Variants in EFCAB6 observed in about 807,000 individuals in gnomAD.
EFCAB6 encodes EF-hand calcium binding domain 6.
EFCAB6 carries 156 observed loss-of-function variants against 169.8 expected under a neutral mutation model. The ratio of observed to expected loss-of-function variants is 0.92; its 90% CI spans 0.81 to 1.05. The LOEUF is 1.05. EFCAB6 is among the 50% of genes least tolerant of loss of function. EFCAB6 has a pLI of 0.00. For missense variants in EFCAB6, 1,800 were observed against 1,829.1 expected (o/e 0.98, Z 0.29); for synonymous variants, 698 against 676.4 (o/e 1.03, Z -0.50).
At chr22:43,567,724 C>G (rs1372390406) in intron 26 of EFCAB6, among the ~76,000 whole-genome samples, 1 of 152,120 alleles carries the variant, frequency 6.6e-6, no homozygotes, top group Non-Finnish European at 1.5e-5. Context: ...CCCAGAGTAC[C>G]AGTGGCCTTC....
chr22:43,618,170 GAAAGAAA>G (rs1569256923), intron 20 of EFCAB6, among the ~76,000 whole-genome samples: 191 of 91,608 alleles, frequency 2.1e-3, no homozygotes, highest in Middle Eastern at 5.9e-3. Context: ...AGGAAGGAAA[GAAAGAAA>G]GAAAGAAAGA....
At chr22:43,782,569 C>T (rs2061863937) in intron 2 of EFCAB6, among the ~76,000 whole-genome samples, 1 of 152,142 alleles carries the variant, frequency 6.6e-6, no homozygotes, top group African/African-American at 2.4e-5. Flanking sequence ...GACTTTTGGA[C>T]AGAAAAATCC....
At chr22:43,735,082 T>C (rs953197088) in intron 7 of EFCAB6, among the ~76,000 whole-genome samples, 2 of 152,114 alleles carry the variant, frequency 1.3e-5, no homozygotes, top group African/African-American at 4.8e-5. Context: ...CTGGGTACTG[T>C]AGAAATTAAG....
intron 2 of EFCAB6, among the ~76,000 whole-genome samples, chr22:43,784,644 CAT>C (rs1346854618): frequency 1.1e-4 from 9 of 81,486 alleles, no homozygotes; most frequent in African/African-American, 3.5e-4. Flanking sequence ...TATATGTACA[CAT>C]ATATATGTGT....
chr22:43,552,527 T>G (rs2048439344), intron 27 of EFCAB6: 1 of 152,248 alleles, frequency 6.6e-6, no homozygotes, highest in African/African-American at 2.4e-5. Flanking sequence ...GGTATCTCAC[T>G]GTGGTTTTAA....
chr22:43,620,104 A>G (rs1019759913), intron 20 of EFCAB6, among the ~76,000 whole-genome samples: 8 of 152,094 alleles, frequency 5.3e-5, no homozygotes, highest in African/African-American at 1.9e-4. Flanking sequence ...GATTGCTTGA[A>G]CTCAGGAGTT....
At chr22:43,779,924 G>A (rs969539522) in intron 3 of EFCAB6, among the ~76,000 whole-genome samples, 1 of 152,060 alleles carries the variant, frequency 6.6e-6, no homozygotes, top group African/African-American at 2.4e-5. Context: ...CCCAAAGTAG[G>A]TAAACAGGCA....
At chr22:43,577,857 C>T (rs1175135716) in intron 25 of EFCAB6, among the ~76,000 whole-genome samples, 1 of 150,502 alleles carries the variant, frequency 6.6e-6, no homozygotes, top group African/African-American at 2.5e-5. Flanking sequence ...CTTCCCTACA[C>T]CAAGGAAATT....
At chr22:43,725,134 C>CTTTTTTTTTTTT (rs33983375) in intron 8 of EFCAB6, among the ~76,000 whole-genome samples, 2 of 94,696 alleles carry the variant, frequency 2.1e-5, no homozygotes, top group South Asian at 4.3e-4. Context: ...GCCAAACTGG[C>CTTTTTTTTTTTT]TTTTTTTTTT....
rs375873350 is a variant in EFCAB6, at chr22:43,577,676, C to T, written c.3229-1188G>A. Among the ~76,000 whole-genome samples, 16 of 152,214 alleles carry T rather than the reference C, an allele frequency of 1.1e-4. No homozygotes were observed. In the East Asian group the frequency reaches 1.5e-3, roughly 15 times the overall value. On this transcript the variant is annotated intron_variant, in intron 25 of 31. Coordinates refer to ENST00000262726, the MANE Select transcript of EFCAB6 (RefSeq NM_022785.4). ...TGGGGATCTCAAATGTTAAGGAGAA[C>T]GATCATAAGAATGAACACAGACAAC...
chr22:43,602,551 C>T (rs1044925153), intron 22 of EFCAB6, among the ~76,000 whole-genome samples: 1 of 152,142 alleles, frequency 6.6e-6, no homozygotes, highest in South Asian at 2.1e-4. Context: ...CCATGCCTCT[C>T]TCCTTGAACT....
At chr22:43,696,515 T>G (rs1385851121) in intron 10 of EFCAB6, among the ~76,000 whole-genome samples, 1 of 152,188 alleles carries the variant, frequency 6.6e-6, no homozygotes, top group Non-Finnish European at 1.5e-5. Context: ...CAGTATCTTC[T>G]GTAATTACCC....
chr22:43,625,017 T>C (rs892097086), intron 20 of EFCAB6, among the ~76,000 whole-genome samples: 2 of 152,202 alleles, frequency 1.3e-5, no homozygotes, highest in African/African-American at 2.4e-5. Flanking sequence ...ACCTGAGCCG[T>C]TGGAAGCAGG....
At chr22:43,762,639 A>C (rs2061203541) in intron 5 of EFCAB6, among the ~76,000 whole-genome samples, 1 of 152,236 alleles carries the variant, frequency 6.6e-6, no homozygotes, top group African/African-American at 2.4e-5. Context: ...AACAAAGATA[A>C]TTCTGCTTCA....
intron 26 of EFCAB6, among the ~76,000 whole-genome samples, chr22:43,558,478 G>A (rs1602249117): frequency 6.6e-6 from 1 of 151,788 alleles, no homozygotes; most frequent in Admixed American, 6.6e-5. Context: ...CTGAAGGATT[G>A]TGGCAACCCT....
intron 6 of EFCAB6, among the ~76,000 whole-genome samples, chr22:43,752,212 GA>G (rs2060797674): frequency 1.3e-5 from 2 of 149,578 alleles, no homozygotes; most frequent in East Asian, 4.0e-4. Flanking sequence ...CTGCCTCCTG[GA>G]TCCAAGTGAT....
chr22:43,693,702 C>A (rs2058483010), intron 10 of EFCAB6, among the ~76,000 whole-genome samples: 1 of 151,638 alleles, frequency 6.6e-6, no homozygotes, highest in Non-Finnish European at 1.5e-5. Flanking sequence ...TACTGAAATT[C>A]TCTGTACTGT....
At chr22:43,543,035 G>C (rs1318739338) in intron 27 of EFCAB6, among the ~76,000 whole-genome samples, 1 of 152,164 alleles carries the variant, frequency 6.6e-6, no homozygotes, top group East Asian at 1.9e-4. Flanking sequence ...AGTGGCAACA[G>C]AGGGCTACTT....
chr22:43,543,177 C>T (rs2047846697), intron 27 of EFCAB6, among the ~76,000 whole-genome samples: 1 of 152,142 alleles, frequency 6.6e-6, no homozygotes. Context: ...GCCGGACTTG[C>T]CACCAGCTCT....
Sources: gnomAD v4.1 joint callset for allele counts (sites outside exome capture counted in the v4.1 genomes callset) on GRCh38, gnomAD v4.1.1 for gene constraint, MANE v1.5 for transcripts, NCBI Gene and HGNC (gene_info 2026-07-23, HGNC 2026-07-21) for gene names.